Variants in RANBP2 observed in about 807,000 individuals in gnomAD.
RANBP2 encodes RAN binding protein 2, also known as E3 SUMO-protein ligase RanBP2.
RANBP2 carries 57 observed loss-of-function variants against 303.6 expected under a neutral mutation model. That is an observed-to-expected ratio of 0.19 (90% CI 0.15 to 0.23). RANBP2 has a LOEUF of 0.23. Among genes scored for constraint, RANBP2 ranks in the 10% least tolerant of loss-of-function variants. RANBP2 has a pLI of 1.00. For synonymous variants in RANBP2, 1,167 were observed against 1,301.5 expected, an observed-to-expected ratio of 0.90 and a Z score of 2.23; for missense variants, 3,138 against 3,780.8, an observed-to-expected ratio of 0.83 and a Z score of 4.46.
At chr2:108,922,829 T>C in the RANBP2 span, among the ~76,000 whole-genome samples, 3 of 152,126 alleles carry the variant, frequency 2.0e-5, no homozygotes, top group Non-Finnish European at 2.9e-5. Flanking sequence ...CCCTTCGTCA[T>C]AAACAGATGC....
At chr2:108,729,253 T>G (rs1449992063) in intron 2 of RANBP2, 54 bp downstream of exon 2, 36 of 1,514,460 alleles carry the variant, frequency 2.4e-5, no homozygotes, top group Non-Finnish European at 3.0e-5. Flanking sequence ...CCTTTTCTCA[T>G]TTTCTTCTTT....
chr2:109,255,596 T>C, the RANBP2 span, among the ~76,000 whole-genome samples: 1 of 152,354 alleles, frequency 6.6e-6, no homozygotes, highest in East Asian at 1.9e-4. Flanking sequence ...ATGAAAATGT[T>C]TTATGAGGTA....
At chr2:109,487,262 A>C in the RANBP2 span, among the ~76,000 whole-genome samples, 4 of 152,120 alleles carry the variant, frequency 2.6e-5, no homozygotes, top group African/African-American at 7.2e-5. Flanking sequence ...TTGTCCCCCA[A>C]ATCAGTCTAT....
chr2:109,205,024 A>G, the RANBP2 span, among the ~76,000 whole-genome samples: 1 of 152,174 alleles, frequency 6.6e-6, no homozygotes, highest in Non-Finnish European at 1.5e-5. Context: ...CCTGGTCAAC[A>G]TAGTGATACC....
chr2:109,625,084 C>CAAAAAAAA, the RANBP2 span, among the ~76,000 whole-genome samples: 1 of 61,914 alleles, frequency 1.6e-5, no homozygotes, highest in Non-Finnish European at 2.9e-5. Context: ...ACAACAACAA[C>CAAAAAAAA]AACAAAAAAA....
chr2:108,793,175 G>A, the RANBP2 span, among the ~76,000 whole-genome samples: 113 of 150,688 alleles, frequency 7.5e-4, 1 homozygote, highest in Middle Eastern at 3.4e-3. Context: ...GGCTAACACG[G>A]TGAAACCCTG....
downstream of RANBP2, chr2:108,789,028 GA>G (rs1388824159): frequency 1.9e-6 from 3 of 1,569,600 alleles, no homozygotes; most frequent in African/African-American, 4.1e-5. Flanking sequence ...CTGAGAAAGA[GA>G]AAAGGGCAGG....
the RANBP2 span, among the ~76,000 whole-genome samples, chr2:109,450,988 G>T: frequency 4.6e-5 from 7 of 152,192 alleles, no homozygotes; most frequent in Non-Finnish European, 8.8e-5. Flanking sequence ...GACTCGGCGG[G>T]CTCTCTGCCC....
At chr2:109,579,993 C>T in the RANBP2 span, among the ~76,000 whole-genome samples, 6 of 151,574 alleles carry the variant, frequency 4.0e-5, no homozygotes, top group South Asian at 1.0e-3. Context: ...TGGTGGCAGG[C>T]GCCTGTAATC....
At chr2:109,222,123 C>T in the RANBP2 span, among the ~76,000 whole-genome samples, 1 of 151,894 alleles carries the variant, frequency 6.6e-6, no homozygotes, top group East Asian at 1.9e-4. Flanking sequence ...GACGATCTCA[C>T]TCATATGTGG....
At chr2:109,678,727 A>G in the RANBP2 span, among the ~76,000 whole-genome samples, 1,567 of 152,304 alleles carry the variant, frequency 0.01, 27 homozygotes, top group African/African-American at 0.036. Context: ...TCCTTCTGGT[A>G]ACTACTAGCT....
At chr2:108,778,515 A>C (rs1281087687) in intron 25 of RANBP2, among the ~76,000 whole-genome samples, 1 of 152,198 alleles carries the variant, frequency 6.6e-6, no homozygotes, top group African/African-American at 2.4e-5. Flanking sequence ...CAAATTAATT[A>C]TTCACTTACA....
At chr2:109,059,063 G>A in the RANBP2 span, among the ~76,000 whole-genome samples, 1,677 of 152,180 alleles carry the variant, frequency 0.011, 34 homozygotes, top group African/African-American at 0.038. Flanking sequence ...GGGATAGGCT[G>A]ACCTGCCACC....
At chr2:109,598,887 A>G in the RANBP2 span, among the ~76,000 whole-genome samples, 1 of 152,146 alleles carries the variant, frequency 6.6e-6, no homozygotes, top group East Asian at 1.9e-4. Flanking sequence ...CTCAAAAAAA[A>G]ATAAAAATAA....
chr2:109,478,679 G>A, the RANBP2 span, among the ~76,000 whole-genome samples: 92,525 of 151,982 alleles, frequency 0.61, 28,389 homozygotes, highest in African/African-American at 0.66. Flanking sequence ...TCAAAAATAC[G>A]GTGTGGTGGG....
At chr2:109,686,048 T>C in the RANBP2 span, among the ~76,000 whole-genome samples, 1 of 152,250 alleles carries the variant, frequency 6.6e-6, no homozygotes, top group African/African-American at 2.4e-5. Context: ...AGAATTTCCT[T>C]GTCTCCCAGA....
At chr2:109,146,005 C>T in the RANBP2 span, among the ~76,000 whole-genome samples, 2 of 148,244 alleles carry the variant, frequency 1.3e-5, no homozygotes, top group Non-Finnish European at 2.9e-5. Context: ...ACCTCCCGGC[C>T]GCAGTGTCCT....
At chr2:109,363,784 C>G in the RANBP2 span, among the ~76,000 whole-genome samples, 2 of 152,184 alleles carry the variant, frequency 1.3e-5, no homozygotes, top group African/African-American at 4.8e-5. Flanking sequence ...ATATTTTACT[C>G]CACTCTCTTG....
At chr2:109,588,101 C>T in the RANBP2 span, among the ~76,000 whole-genome samples, 2 of 151,286 alleles carry the variant, frequency 1.3e-5, no homozygotes, top group East Asian at 3.9e-4. Context: ...CTATAAAATG[C>T]CCCCCGCCAA....
Sources: allele counts gnomAD v4.1 joint callset (sites outside exome capture counted in the v4.1 genomes callset), GRCh38; gene constraint gnomAD v4.1.1; transcripts MANE v1.5; gene names NCBI Gene and HGNC (gene_info 2026-07-23, HGNC 2026-07-21).